Variants in ZNF487 observed in about 807,000 individuals in gnomAD.
ZNF487 encodes zinc finger protein 487, also known as KRAB domain only 1.
In ZNF487, 4 loss-of-function variants were observed where a neutral mutation model predicts 3.0. That is an observed-to-expected ratio of 1.35 (90% confidence interval 0.66 to 3.08). The LOEUF (loss-of-function observed/expected upper bound fraction) is 3.08, where lower values mean the gene tolerates loss of function less well. Ranked by LOEUF, ZNF487 falls within the 30% of genes most tolerant of loss-of-function variation. ZNF487 has a pLI of 0.01. For synonymous variants in ZNF487, 55 were observed against 34.6 expected, an observed-to-expected ratio of 1.59 and a Z score of -2.06; for missense variants, 146 against 98.7, an observed-to-expected ratio of 1.48 and a Z score of -2.03.
intron 1 of ZNF487, among the ~76,000 whole-genome samples, chr10:43,456,177 G>A (rs1253880480): frequency 6.6e-6 from 1 of 152,184 alleles, no homozygotes; most frequent in Non-Finnish European, 1.5e-5. Context: ...GAACCAACCC[G>A]AGATTCTGGG....
At chr10:43,506,647 T>C in the ZNF487 span, among the ~76,000 whole-genome samples, 1 of 152,306 alleles carries the variant, frequency 6.6e-6, no homozygotes, top group South Asian at 2.1e-4. Context: ...AAAGCTCTCT[T>C]GATAGTGAAA....
the ZNF487 span, among the ~76,000 whole-genome samples, chr10:43,501,342 G>A: frequency 1.3e-5 from 2 of 152,072 alleles, no homozygotes; most frequent in Non-Finnish European, 2.9e-5. Context: ...ACTACTGTAG[G>A]CTTTATAAAC....
chr10:43,476,277 C>T (rs979306202), intron 3 of ZNF487, 75 bp downstream of exon 3: 2 of 658,062 alleles, frequency 3.0e-6, no homozygotes, highest in African/African-American at 1.8e-5. Context: ...CACATATTGA[C>T]ATCTTTGAAA....
rs71016773 is a variant in ZNF487, at chr10:43,468,679, C to CAAA, written c.-93-7019_-93-7017dup. ...GGGCACCAAGAGTGAAACTCTGTCT[C>CAAA]AAAAAAAAAAAAAAAAAAAAAAAAA... On this transcript the variant is annotated intron_variant, in intron 1 of 3. Coordinates refer to ENST00000437590, the MANE Select transcript of ZNF487 (RefSeq NM_001355444.3). 6.2e-3 allele frequency among the ~76,000 whole-genome samples: 222 copies of CAAA among 35,724 alleles called. 4 individuals carry two copies. Among genetic ancestry groups the CAAA allele is most frequent in the East Asian group, 0.011 (10 of 926 alleles). 23.4% of individuals were successfully genotyped at this position (35,724 alleles called of 152,430 possible).
chr10:43,496,156 T>C, the ZNF487 span: 1 of 508,046 alleles, frequency 2.0e-6, no homozygotes, highest in South Asian at 1.4e-5. Flanking sequence ...AGGATTGCGT[T>C]TTATATACTT....
At chr10:43,469,292 G>C (rs1840819882) in intron 1 of ZNF487, among the ~76,000 whole-genome samples, 1 of 152,002 alleles carries the variant, frequency 6.6e-6, no homozygotes, top group Non-Finnish European at 1.5e-5. Context: ...TGCCTCCCGG[G>C]TTCAAGCGAT....
In ZNF487 at chr10:43,481,955, G is replaced by T; in HGVS notation, c.*33G>T. ...GAACATGTGAGAGCCTTTTCCGATA[G>T]ACCAATATTCATTGTTCATCAGAGA... On this transcript the variant is annotated 3_prime_UTR_variant, in exon 4 of 4. Transcript: ENST00000437590. The T allele has an allele frequency of 3.3e-6, 2 of 611,004 alleles. No individual in the cohort carries two copies. The highest frequency in any genetic ancestry group is 2.0e-5 in the South Asian group (1 of 51,008). The allele number at this position is 611,004 out of a possible 1,614,324, so 37.8% of individuals were successfully genotyped here. A position where few individuals can be genotyped will look rare whatever the true frequency, so the allele number is the denominator to read the frequency against.
the ZNF487 span, among the ~76,000 whole-genome samples, chr10:43,522,739 CAAAAAATAA>C: frequency 7.3e-5 from 11 of 151,688 alleles, no homozygotes; most frequent in Admixed American, 5.2e-4. Context: ...TCTCAAAAAA[CAAAAAATAA>C]AAAAAATAAA....
At chr10:43,463,200 A>G (rs1373232437) in intron 1 of ZNF487, among the ~76,000 whole-genome samples, 1 of 142,188 alleles carries the variant, frequency 7.0e-6, no homozygotes, top group Admixed American at 7.1e-5. Context: ...CGCCATTGCA[A>G]TCCAGCCTGG....
At chr10:43,496,645 A>T in the ZNF487 span, among the ~76,000 whole-genome samples, 15 of 152,006 alleles carry the variant, frequency 9.9e-5, no homozygotes, top group African/African-American at 3.6e-4. Context: ...TTATTTATTT[A>T]TTTTTTGGGT....
At chr10:43,487,929 CAAA>C (rs76705594), downstream of ZNF487, among the ~76,000 whole-genome samples, 145 of 40,448 alleles carry the variant, frequency 3.6e-3, 1 homozygote, top group Middle Eastern at 0.022. Context: ...TACCAAAATA[CAAA>C]AAAAAAAAAA....
Position 43,442,525 on chromosome 10 carries a change from C to A in ZNF487, c.-94+5263C>A, listed in dbSNP as rs950757310. Among the ~76,000 whole-genome samples the A allele has an allele frequency of 2.0e-5, 3 of 152,110 alleles. No homozygotes were observed. In the South Asian group the frequency reaches 6.2e-4, roughly 31 times the overall value. ...GTGGCACGATCTCGGCTCACTGCAA[C>A]CTCCACCCTCCGGGTTGAAATGATT... is the stretch of plus-strand genomic sequence containing the variant. On this transcript the variant is annotated intron_variant, in intron 1 of 3. Coordinates refer to ENST00000437590, the MANE Select transcript of ZNF487 (RefSeq NM_001355444.3).
intron 1 of ZNF487, among the ~76,000 whole-genome samples, chr10:43,475,010 G>A (rs1043279560): frequency 4.6e-5 from 7 of 152,186 alleles, no homozygotes; most frequent in Middle Eastern, 3.4e-3. Context: ...TGTACAAGGC[G>A]CAAACTTCCC....
At position 43,443,221 on chromosome 10, in the gene ZNF487, C is replaced by G. The variant is rs555290712; in HGVS notation, c.-94+5959C>G. Among the ~76,000 whole-genome samples, 165 of 151,822 alleles carry G rather than the reference C, an allele frequency of 1.1e-3. 1 individual carries two copies. Among genetic ancestry groups the G allele is most frequent in the Middle Eastern group, 3.4e-3 (1 of 294 alleles). ...GGGATTACAGGCACCCGCCACCACG[C>G]CTGGCTAATTTTTATAATTTTTAGG... On this transcript the variant is annotated intron_variant, in intron 1 of 3. Coordinates refer to ENST00000437590, the MANE Select transcript of ZNF487 (RefSeq NM_001355444.3).
chr10:43,520,295 T>C, the ZNF487 span, among the ~76,000 whole-genome samples: 1 of 152,166 alleles, frequency 6.6e-6, no homozygotes, highest in African/African-American at 2.4e-5. Flanking sequence ...TTGTTGATTG[T>C]ATGGCCTGGG....
At chr10:43,465,973 G>A (rs1423228627) in intron 1 of ZNF487, among the ~76,000 whole-genome samples, 2 of 152,224 alleles carry the variant, frequency 1.3e-5, no homozygotes, top group Non-Finnish European at 2.9e-5. Flanking sequence ...ATCACTCGCA[G>A]TTAGGAGCTG....
At chr10:43,442,431 TTTA>T (rs1462268316) in intron 1 of ZNF487, among the ~76,000 whole-genome samples, 2 of 151,828 alleles carry the variant, frequency 1.3e-5, no homozygotes, top group African/African-American at 4.8e-5. Context: ...TTTTCCTGAA[TTTA>T]TTTATTTATT....
At chr10:43,479,963 TTTCTTTCTTTTCTTTCTTTCC>T (rs545141082) in intron 3 of ZNF487, among the ~76,000 whole-genome samples, 897 of 45,738 alleles carry the variant, frequency 0.02, 23 homozygotes, top group East Asian at 0.032. Context: ...ACTCTCTTTC[TTTCTTTCTTTTCTTTCTTTCC>T]TTCTTTCTTT....
chr10:43,473,694 C>T (rs1840989185), intron 1 of ZNF487, among the ~76,000 whole-genome samples: 1 of 151,666 alleles, frequency 6.6e-6, no homozygotes, highest in Non-Finnish European at 1.5e-5. Flanking sequence ...ACCCAAACAT[C>T]AACTTACCTT....
Sources: gnomAD v4.1 joint callset for allele counts (sites outside exome capture counted in the v4.1 genomes callset) on GRCh38, gnomAD v4.1.1 for gene constraint, MANE v1.5 for transcripts, NCBI Gene and HGNC (gene_info 2026-07-23, HGNC 2026-07-21) for gene names.